The following MDN1 variants were observed in gnomAD, a reference collection of about 807,000 sequenced individuals.
MDN1 encodes the protein midasin AAA ATPase 1.
MDN1 carries 266 observed loss-of-function variants against 669.2 expected under a neutral mutation model. The observed-to-expected ratio is 0.40, with a 90% CI of 0.36 to 0.44. The LOEUF is 0.44. Ranked by LOEUF, MDN1 falls within the 20% of genes least tolerant of loss-of-function variation. The probability of loss-of-function intolerance (pLI) is 1.00; values close to 1 mark genes in which losing one functional copy is unlikely to be tolerated. For synonymous variants in MDN1, 2,385 were observed against 2,457.1 expected (o/e 0.97, Z 0.87); for missense variants, 5,940 against 6,754.0 (o/e 0.88, Z 4.22).
Position 89,699,582 on chromosome 6 carries a change from G to A in MDN1, c.8997+19C>T. On this transcript the variant is annotated intron_variant, in intron 58 of 101. Coordinates refer to ENST00000369393, the MANE Select transcript of MDN1 (RefSeq NM_014611.3). ...AACTCATAATGTAAAGGAGGCTTAT[G>A]TCTTATTGTGATTTTTACCTTCTGA... The A allele has an allele frequency of 1.9e-6, 3 of 1,608,854 alleles. No homozygotes were observed. Among genetic ancestry groups the A allele is most frequent in the Non-Finnish European group, 2.5e-6 (3 of 1,177,750 alleles).
chr6:89,692,004 C>G (rs543291270), intron 63 of MDN1, among the ~76,000 whole-genome samples: 2 of 152,190 alleles, frequency 1.3e-5, no homozygotes, highest in East Asian at 1.9e-4. Flanking sequence ...TACAAGCAAG[C>G]CTGGAATGGG....
chr6:89,802,752 A>T (rs1767748189), intron 2 of MDN1, among the ~76,000 whole-genome samples: 1 of 152,150 alleles, frequency 6.6e-6, no homozygotes, highest in Admixed American at 6.5e-5. Context: ...TCATTTTTAC[A>T]GTGAAAGTTT....
intron 14 of MDN1, 49 bp downstream of exon 14, chr6:89,772,524 T>C (rs371656263): frequency 3.1e-5 from 49 of 1,580,226 alleles, no homozygotes; most frequent in Non-Finnish European, 4.0e-5. Flanking sequence ...GGAAAAAAAG[T>C]AGTCAGTGTG....
At chr6:89,791,218 C>T (rs1819253784) in intron 5 of MDN1, among the ~76,000 whole-genome samples, 2 of 152,004 alleles carry the variant, frequency 1.3e-5, no homozygotes, top group Non-Finnish European at 1.5e-5. Flanking sequence ...AAGAGCAAAC[C>T]TCATCTATTA....
intron 34 of MDN1, 49 bp downstream of exon 34, chr6:89,732,508 T>C: frequency 2.6e-6 from 4 of 1,531,778 alleles, no homozygotes; most frequent in Non-Finnish European, 3.6e-6. Flanking sequence ...CCTTTTCCTA[T>C]GCCCCTCTAT....
intron 21 of MDN1, 114 bp downstream of exon 21, chr6:89,753,969 G>T: frequency 1.9e-6 from 2 of 1,080,426 alleles, no homozygotes; most frequent in Non-Finnish European, 2.6e-6. Context: ...AGGTATTATG[G>T]GCTGATCTGA....
chr6:89,802,914 G>A (rs1190663064), intron 2 of MDN1, among the ~76,000 whole-genome samples: 1 of 152,106 alleles, frequency 6.6e-6, no homozygotes, highest in Non-Finnish European at 1.5e-5. Flanking sequence ...TAGATTTATA[G>A]AATTTGGAAG....
At chr6:89,766,032 T>C (rs1309694793) in intron 15 of MDN1, among the ~76,000 whole-genome samples, 1 of 152,210 alleles carries the variant, frequency 6.6e-6, no homozygotes, top group Non-Finnish European at 1.5e-5. Context: ...CTGTGGCTCA[T>C]GCATGTAATC....
intron 89 of MDN1, 100 bp downstream of exon 89, chr6:89,658,510 G>A: frequency 2.0e-6 from 3 of 1,522,392 alleles, no homozygotes; most frequent in Non-Finnish European, 2.7e-6. Flanking sequence ...AGTGCCACAT[G>A]TTGATGGAGG....
intron 1 of MDN1, among the ~76,000 whole-genome samples, chr6:89,804,186 A>C (rs897945848): frequency 5.3e-5 from 8 of 152,138 alleles, no homozygotes; most frequent in Non-Finnish European, 1.2e-4. Flanking sequence ...CTGGGATTAC[A>C]GGCGTGAGCC....
rs774413043 is a variant in MDN1 at position 89,695,780 on chromosome 6, G to A, written c.9596C>T (p.Thr3199Ile). The change falls in exon 61 of 102, where the codon ACC becomes ATC. Residue 3199 changes from threonine to isoleucine, a missense_variant. Physicochemically the swap from Thr to Ile is moderately conservative, Grantham distance 89. Transcript: ENST00000369393. This position sits in a 1 kb window ranked among gnomAD's most constrained non-coding sequence, Gnocchi z 4.1. ...TTCACCAACAAAGTGGTGCAGGGAG[G>A]TGAGCAACTGGCAGAGCAGTTCCTT... is the stretch of plus-strand genomic sequence containing the variant. ...LPKELLCQLL[T>I]SLHHFVGEGE... 3 of 1,613,678 alleles carry A rather than the reference G, an allele frequency of 1.9e-6. No homozygotes were observed. In the South Asian group the frequency reaches 3.3e-5, roughly 18 times the overall value.
intron 7 of MDN1, 110 bp downstream of exon 7, chr6:89,789,670 C>G: frequency 7.7e-7 from 1 of 1,296,432 alleles, no homozygotes; most frequent in African/African-American, 1.5e-5. Context: ...CATAGTACGT[C>G]TAATCAAATA....
rs762847120 is a variant in MDN1, at chr6:89,762,312, T to A, written c.2356+7A>T. On this transcript the variant is annotated splice_region_variant and intron_variant, in intron 16 of 101. Transcript: ENST00000369393. ...CTCCCCCATGGCAGCCTGGGTCACA[T>A]CCTTACCAGTTTCACTGTCTTTTCC... 2 of 1,612,866 alleles carry A rather than the reference T, an allele frequency of 1.2e-6. No individual in the cohort carries two copies. The highest frequency in any genetic ancestry group is 1.7e-6 in the Non-Finnish European group (2 of 1,179,152).
chr6:89,659,854 T>C (rs1809594621), intron 88 of MDN1, among the ~76,000 whole-genome samples: 1 of 152,202 alleles, frequency 6.6e-6, no homozygotes, highest in African/African-American at 2.4e-5. Context: ...CAAAAATCAG[T>C]TATTAGCAAA....
chr6:89,693,183 C>T (rs1812492565), intron 62 of MDN1, 35 bp from the exon 63 acceptor site: 2 of 1,446,364 alleles, frequency 1.4e-6, no homozygotes, highest in Non-Finnish European at 9.4e-7. Context: ...CCAATTATGT[C>T]AGAAGAAGAG....
intron 63 of MDN1, 130 bp from the exon 64 acceptor site, chr6:89,690,964 A>G (rs1812340379): frequency 1.8e-6 from 2 of 1,114,212 alleles, no homozygotes; most frequent in Non-Finnish European, 2.5e-6. Flanking sequence ...CCAACATCCA[A>G]GAAACTAAAT....
intron 60 of MDN1, 38 bp downstream of exon 60, chr6:89,696,322 C>G (rs766157349): frequency 6.3e-7 from 1 of 1,597,058 alleles, no homozygotes; most frequent in Admixed American, 1.7e-5. Context: ...GGAGAAAAGA[C>G]AGGAACTTTA....
intron 1 of MDN1, among the ~76,000 whole-genome samples, chr6:89,818,308 G>A (rs1196289724): frequency 1.6e-5 from 2 of 123,502 alleles, no homozygotes; most frequent in East Asian, 2.3e-4. Flanking sequence ...ACGACAGAGC[G>A]TGCCTCCGTC....
At chr6:89,667,736 AG>A (rs1810357648) in intron 84 of MDN1, among the ~76,000 whole-genome samples, 2 of 152,176 alleles carry the variant, frequency 1.3e-5, no homozygotes. Flanking sequence ...AAAATACTCT[AG>A]AAAATCATCA....
Sources: gnomAD v4.1 joint callset for allele counts (sites outside exome capture counted in the v4.1 genomes callset) on GRCh38, gnomAD v4.1.1 for gene constraint, Gnocchi (gnomAD v3.1) non-coding constraint, MANE v1.5 for transcripts, NCBI Gene and HGNC (gene_info 2026-07-23, HGNC 2026-07-21) for gene names.